Variants in FHAD1 observed in about 807,000 individuals in gnomAD.
The protein encoded by FHAD1 is forkhead-associated domain-containing protein 1.
In FHAD1, 146 loss-of-function variants were observed where a neutral mutation model predicts 191.3. The ratio of observed to expected loss-of-function variants is 0.76; its 90% CI spans 0.67 to 0.88. The LOEUF (loss-of-function observed/expected upper bound fraction) is 0.88. Ranked by LOEUF, FHAD1 falls within the 40% of genes least tolerant of loss-of-function variation. FHAD1 has a pLI of 0.00. For synonymous variants in FHAD1, 616 were observed against 672.3 expected, an observed-to-expected ratio of 0.92 and a Z score of 1.29; for missense variants, 1,635 against 1,785.8, an observed-to-expected ratio of 0.92 and a Z score of 1.52.
chr1:15,366,278 C>CT (rs1269844312), intron 24 of FHAD1, among the ~76,000 whole-genome samples: 3 of 108,198 alleles, frequency 2.8e-5, no homozygotes, highest in Non-Finnish European at 5.2e-5. Flanking sequence ...AAGCGAGACT[C>CT]TGTCTCAAAA....
intron 16 of FHAD1, among the ~76,000 whole-genome samples, chr1:15,344,114 A>T (rs1479186342): frequency 1.3e-5 from 2 of 152,194 alleles, no homozygotes; most frequent in Admixed American, 1.3e-4. Flanking sequence ...ACAGACTGTG[A>T]CACTCGAAGG....
chr1:15,321,815 G>A (rs1255996943), intron 10 of FHAD1, among the ~76,000 whole-genome samples: 1 of 152,218 alleles, frequency 6.6e-6, no homozygotes, highest in Non-Finnish European at 1.5e-5. Context: ...GCATGCATGT[G>A]TGTGCATGTG....
intron 1 of FHAD1, among the ~76,000 whole-genome samples, chr1:15,240,603 G>A (rs1245826948): frequency 1.4e-5 from 2 of 139,210 alleles, no homozygotes; most frequent in Non-Finnish European, 3.0e-5. Context: ...TGCACTCCCA[G>A]CCTGGACAAC....
chr1:15,290,256 C>G (rs571164027), intron 4 of FHAD1, among the ~76,000 whole-genome samples: 1 of 152,270 alleles, frequency 6.6e-6, no homozygotes, highest in South Asian at 2.1e-4. Flanking sequence ...CTTCCTTCCC[C>G]ACTACCCCCT....
chr1:15,293,572 G>C (rs1387980536), intron 4 of FHAD1, among the ~76,000 whole-genome samples: 1 of 152,076 alleles, frequency 6.6e-6, no homozygotes, highest in Non-Finnish European at 1.5e-5. Flanking sequence ...ACAAAAATTA[G>C]CTGGGTGTGG....
At chr1:15,243,812 A>G (rs1488092613), upstream of FHAD1, among the ~76,000 whole-genome samples, 1 of 152,196 alleles carries the variant, frequency 6.6e-6, no homozygotes, top group African/African-American at 2.4e-5. Context: ...AGCAGTTGTG[A>G]GTAAGTGGCA....
chr1:15,341,286 TCTC>T (rs1365623050), intron 15 of FHAD1, among the ~76,000 whole-genome samples: 1 of 152,212 alleles, frequency 6.6e-6, no homozygotes, highest in African/African-American at 2.4e-5. Context: ...TCTAGTCCCT[TCTC>T]CTTATTTTTC....
At chr1:15,284,802 T>C (rs1661854865) in intron 3 of FHAD1, among the ~76,000 whole-genome samples, 1 of 152,090 alleles carries the variant, frequency 6.6e-6, no homozygotes, top group African/African-American at 2.4e-5. Context: ...GTCCAGGTGG[T>C]TGGCAGCCTG....
intron 10 of FHAD1, among the ~76,000 whole-genome samples, chr1:15,323,217 T>A (rs1278609960): frequency 6.6e-6 from 1 of 152,206 alleles, no homozygotes; most frequent in Non-Finnish European, 1.5e-5. Context: ...AATAAATAAA[T>A]CTCTGACAGC....
At chr1:15,251,328 A>G (rs1236294470) in intron 1 of FHAD1, among the ~76,000 whole-genome samples, 1 of 152,046 alleles carries the variant, frequency 6.6e-6, no homozygotes, top group Non-Finnish European at 1.5e-5. Flanking sequence ...ACTGAGTCAC[A>G]GAGAGAGAAT....
At chr1:15,369,600 A>G in intron 26 of FHAD1, 98 bp downstream of exon 26, 1 of 1,370,550 alleles carries the variant, frequency 7.3e-7, no homozygotes, top group South Asian at 1.3e-5. Context: ...TCTAAGTTCC[A>G]AAAGTATGGC....
chr1:15,301,713 C>T (rs977749423), intron 6 of FHAD1, among the ~76,000 whole-genome samples: 2 of 152,342 alleles, frequency 1.3e-5, no homozygotes, highest in South Asian at 2.1e-4. Context: ...CTGACACATC[C>T]ATTCTACAGA....
Position 15,397,420 on chromosome 1 carries a change from C to T in FHAD1, c.*7C>T. 1 of 1,442,152 alleles carries T rather than the reference C, an allele frequency of 6.9e-7. No homozygotes were observed. The highest frequency in any genetic ancestry group is 9.4e-7 in the Non-Finnish European group (1 of 1,059,044). The allele number at this position is 1,442,152 out of a possible 1,614,324, so 89.3% of individuals were successfully genotyped here. A position where few individuals can be genotyped will look rare whatever the true frequency, so the allele number is the denominator to read the frequency against. The stretch of plus-strand genomic sequence containing the variant: ...GCCCAGTGGAAAGTACTAGAGAAAC[C>T]TCGTCCCACCAGGCCTCATGTGATC... On this transcript the variant is annotated 3_prime_UTR_variant, in exon 34 of 34. Coordinates refer to ENST00000688493, the MANE Select transcript of FHAD1 (RefSeq NM_001391957.1).
intron 23 of FHAD1, among the ~76,000 whole-genome samples, chr1:15,365,568 C>T (rs1332332629): frequency 6.7e-6 from 1 of 149,700 alleles, no homozygotes; most frequent in Non-Finnish European, 1.5e-5. Context: ...AGTAATTCTC[C>T]AGCCTTGGCC....
chr1:15,372,141 G>A (rs893374620), intron 26 of FHAD1, among the ~76,000 whole-genome samples: 1 of 152,056 alleles, frequency 6.6e-6, no homozygotes, highest in Non-Finnish European at 1.5e-5. Flanking sequence ...GCATGGGGGT[G>A]GTCAGGTGAT....
intron 20 of FHAD1, among the ~76,000 whole-genome samples, chr1:15,353,356 T>C (rs1245039455): frequency 6.6e-6 from 1 of 152,100 alleles, no homozygotes; most frequent in Non-Finnish European, 1.5e-5. Flanking sequence ...TAAATCTTCA[T>C]CCCTCCTTCT....
rs1004965964 is a variant in FHAD1, at chr1:15,329,770, C to T, written c.1906+229C>T. 2.0e-6 allele frequency: 1 copy of T among 495,908 alleles called. No homozygotes were observed. The highest frequency in any genetic ancestry group is 3.6e-6 in the Non-Finnish European group (1 of 276,506). 30.7% of individuals were successfully genotyped at this position (495,908 alleles called of 1,614,324 possible). The stretch of plus-strand genomic sequence containing the variant: ...GAAGAAAAATGAAACAAAACAGAGG[C>T]AAAAGGAAAATTAAATCGAAATTAT... On this transcript the variant is annotated intron_variant, in intron 14 of 33. Coordinates refer to ENST00000688493, the MANE Select transcript of FHAD1 (RefSeq NM_001391957.1). This position sits in a 1 kb window ranked among gnomAD's most constrained non-coding sequence, Gnocchi z 5.0.
At chr1:15,277,502 G>T (rs1658828189) in intron 3 of FHAD1, among the ~76,000 whole-genome samples, 1 of 152,126 alleles carries the variant, frequency 6.6e-6, no homozygotes, top group South Asian at 2.1e-4. Context: ...GCCCAAAGAG[G>T]TTCTGCAGTG....
rs1324768496 is a variant in FHAD1 at position 15,301,299 on chromosome 1, A to C, written c.773A>C (p.Gln258Pro). Reference sequence around the variant, plus strand: ...AAAGACGTCATAATAGCAAACCTGCAGAATGAAGTGGCTGAGCTGAGTCAG... The same window carrying C: ...AAAGACGTCATAATAGCAAACCTGCCGAATGAAGTGGCTGAGCTGAGTCAG... ...KYKDVIIANL[Q>P]NEVAELSQKV... The change falls in exon 6 of 34, where the codon CAG becomes CCG. Residue 258 changes from glutamine to proline, a missense_variant. By Grantham distance (76) the Gln-to-Pro change is moderately conservative. Transcript: ENST00000688493. The C allele has an allele frequency of 6.4e-7, 1 of 1,551,822 alleles. No homozygotes were observed. The highest frequency in any genetic ancestry group is 8.7e-7 in the Non-Finnish European group (1 of 1,147,010).
Sources: allele counts gnomAD v4.1 joint callset (sites outside exome capture counted in the v4.1 genomes callset), GRCh38; gene constraint gnomAD v4.1.1; non-coding constraint Gnocchi (gnomAD v3.1); transcripts MANE v1.5; gene names NCBI Gene and HGNC (gene_info 2026-07-23, HGNC 2026-07-21).